CNST: variants seen among roughly 807,000 people sequenced by gnomAD.
The protein encoded by CNST is consortin.
CNST carries 39 observed loss-of-function variants against 72.4 expected under a neutral mutation model. That is an observed-to-expected ratio of 0.54 (90% CI 0.42 to 0.70). The LOEUF is 0.70. Ranked by LOEUF, CNST falls within the 30% of genes least tolerant of loss-of-function variation. The pLI, the probability that CNST is intolerant of heterozygous loss-of-function variation, is 0.00. For missense variants in CNST, 871 were observed against 868.5 expected (o/e 1.00, Z -0.04); for synonymous variants, 332 against 320.1 (o/e 1.04, Z -0.40).
At chr1:246,606,760 GTTA>G (rs1244942334) in intron 2 of CNST, 1 of 151,956 alleles carries the variant, frequency 6.6e-6, no homozygotes, top group Non-Finnish European at 1.5e-5. Context: ...TTTTTCTCTG[GTTA>G]TCATACGCAG....
At chr1:246,578,013 A>G (rs933632878) in intron 1 of CNST, among the ~76,000 whole-genome samples, 5 of 152,008 alleles carry the variant, frequency 3.3e-5, no homozygotes, top group Admixed American at 6.6e-5. Context: ...ATCTTTAGAG[A>G]TATAACCATT....
intron 9 of CNST, among the ~76,000 whole-genome samples, chr1:246,649,970 T>A (rs1184190047): frequency 1.3e-5 from 2 of 151,826 alleles, no homozygotes; most frequent in Non-Finnish European, 2.9e-5. Flanking sequence ...ATTTCTCCTG[T>A]ATATTTCAGT....
chr1:246,645,424 C>CTTTTTTTTTT (rs1553384186), intron 8 of CNST, among the ~76,000 whole-genome samples: 5 of 106,098 alleles, frequency 4.7e-5, no homozygotes, highest in African/African-American at 9.9e-5. Flanking sequence ...AAGGTTAAAA[C>CTTTTTTTTTT]TTTTTTTTTT....
intron 9 of CNST, among the ~76,000 whole-genome samples, chr1:246,656,299 A>C (rs1258252910): frequency 1.3e-5 from 2 of 152,206 alleles, no homozygotes; most frequent in Non-Finnish European, 2.9e-5. Flanking sequence ...GTTGCGAATA[A>C]TTTTGTTTTC....
At chr1:246,664,372 G>T (rs1667273828) in intron 10 of CNST, among the ~76,000 whole-genome samples, 1 of 152,106 alleles carries the variant, frequency 6.6e-6, no homozygotes, top group Admixed American at 6.5e-5. Context: ...GTGGCCTGAG[G>T]CCGTCCTGGT....
At chr1:246,623,335 A>T (rs1052034830) in intron 3 of CNST, among the ~76,000 whole-genome samples, 6 of 152,246 alleles carry the variant, frequency 3.9e-5, no homozygotes, top group Non-Finnish European at 8.8e-5. Flanking sequence ...TAAAATAGAA[A>T]AACTGTTCTT....
intron 3 of CNST, among the ~76,000 whole-genome samples, chr1:246,628,574 A>G (rs1251910416): frequency 6.6e-6 from 1 of 152,238 alleles, no homozygotes; most frequent in East Asian, 1.9e-4. Flanking sequence ...CTTAGTTAAT[A>G]TGACTACAGA....
At position 246,648,162 on chromosome 1, in the gene CNST, C is replaced by G. The variant is rs879491693; in HGVS notation, c.1836+125C>G. ...AAACATGAGGGAAAATTCTAGTTAACGTAAGCTTTTAATTATTAGTAGTTT... is the reference window on the plus strand; with the variant it reads ...AAACATGAGGGAAAATTCTAGTTAAGGTAAGCTTTTAATTATTAGTAGTTT... On this transcript the variant is annotated intron_variant, in intron 9 of 10. Transcript: ENST00000366513. 21 of 1,438,334 alleles carry G rather than the reference C, an allele frequency of 1.5e-5. No individual in the cohort carries two copies. The East Asian group carries it at 5.3e-4, about 36-fold the overall frequency. 89.1% of individuals were successfully genotyped at this position (1,438,334 alleles called of 1,614,324 possible). A position where few individuals can be genotyped will look rare whatever the true frequency, so the allele number is the denominator to read the frequency against.
chr1:246,637,796 G>A (rs1225907955), intron 6 of CNST, among the ~76,000 whole-genome samples: 1 of 152,202 alleles, frequency 6.6e-6, no homozygotes, highest in Non-Finnish European at 1.5e-5. Flanking sequence ...AGTGTGAAAC[G>A]GGGAATTGTA....
chr1:246,610,007 G>A (rs1663197085), intron 2 of CNST, among the ~76,000 whole-genome samples: 2 of 152,176 alleles, frequency 1.3e-5, no homozygotes, highest in South Asian at 4.1e-4. Flanking sequence ...TCCCAGCCAG[G>A]CGCAGTGGCT....
chr1:246,619,248 G>A (rs2103073368), intron 2 of CNST, among the ~76,000 whole-genome samples: 1 of 152,156 alleles, frequency 6.6e-6, no homozygotes, highest in South Asian at 2.1e-4. Context: ...TTGCTGCTAT[G>A]GTGGTTAGAA....
At chr1:246,573,468 A>T (rs1572106902) in intron 1 of CNST, among the ~76,000 whole-genome samples, 1 of 152,366 alleles carries the variant, frequency 6.6e-6, no homozygotes, top group Non-Finnish European at 1.5e-5. Flanking sequence ...ATAGTATTTA[A>T]TTCAAGAAGT....
Position 246,633,916 on chromosome 1 carries a change from C to T in CNST, c.617-8C>T, listed in dbSNP as rs776205060. On this transcript the variant is annotated splice_region_variant and splice_polypyrimidine_tract_variant and intron_variant, in intron 4 of 10. Coordinates refer to ENST00000366513, the MANE Select transcript of CNST (RefSeq NM_152609.3). ...TGGATTTCTATTTTCCTTAAATGTT[C>T]TATTCAGATGAGAAAGCAATGAAAT... 7 of 1,569,622 alleles carry T rather than the reference C, an allele frequency of 4.5e-6. No individual in the cohort carries two copies. Among genetic ancestry groups the T allele is most frequent in the Admixed American group, 3.3e-5 (2 of 59,844 alleles).
At chr1:246,627,473 C>T (rs531394404) in intron 3 of CNST, among the ~76,000 whole-genome samples, 1 of 152,218 alleles carries the variant, frequency 6.6e-6, no homozygotes, top group African/African-American at 2.4e-5. Context: ...TCCAGCAAAA[C>T]AAGGGAGTAA....
At chr1:246,652,806 CA>C (rs1432565808) in intron 9 of CNST, among the ~76,000 whole-genome samples, 1 of 150,896 alleles carries the variant, frequency 6.6e-6, no homozygotes, top group African/African-American at 2.5e-5. Context: ...AGATCGAGAC[CA>C]TCCTGGCTAA....
intron 2 of CNST, among the ~76,000 whole-genome samples, chr1:246,619,731 T>A (rs1663930647): frequency 6.6e-6 from 1 of 152,242 alleles, no homozygotes; most frequent in African/African-American, 2.4e-5. Context: ...CTTTGGGAGA[T>A]GAAGAATGGA....
intron 9 of CNST, among the ~76,000 whole-genome samples, chr1:246,659,363 G>A (rs1173904988): frequency 6.6e-6 from 1 of 152,202 alleles, no homozygotes; most frequent in Non-Finnish European, 1.5e-5. Context: ...GGGAGGCCAA[G>A]GCGGGCAGAT....
chr1:246,582,496 G>A (rs1033425968), intron 1 of CNST, among the ~76,000 whole-genome samples: 6 of 151,978 alleles, frequency 3.9e-5, no homozygotes, highest in African/African-American at 1.2e-4. Flanking sequence ...TTACAGGCAC[G>A]AGCCACTGAG....
intron 2 of CNST, among the ~76,000 whole-genome samples, chr1:246,605,524 A>G (rs562741801): frequency 2.0e-5 from 3 of 152,166 alleles, no homozygotes; most frequent in Non-Finnish European, 4.4e-5. Flanking sequence ...TGAGGCCTAA[A>G]ATGGCGTCAG....
Sources: gnomAD v4.1 joint callset for allele counts (sites outside exome capture counted in the v4.1 genomes callset) on GRCh38, gnomAD v4.1.1 for gene constraint, MANE v1.5 for transcripts, NCBI Gene and HGNC (gene_info 2026-07-23, HGNC 2026-07-21) for gene names.